Variants in TLL2 observed in about 807,000 individuals in gnomAD.
TLL2 encodes the protein tolloid like 2, also known as tolloid-like protein 2.
TLL2 carries 106 observed loss-of-function variants against 123.0 expected under a neutral mutation model. The ratio of observed to expected loss-of-function variants is 0.86; its 90% CI spans 0.74 to 1.01. The LOEUF (loss-of-function observed/expected upper bound fraction) is 1.01. Ranked by LOEUF, TLL2 falls within the 50% of genes least tolerant of loss-of-function variation. The probability of loss-of-function intolerance (pLI) is 0.00; values close to 1 mark genes in which losing one functional copy is unlikely to be tolerated. For missense variants in TLL2, 1,332 were observed against 1,336.7 expected, an observed-to-expected ratio of 1.00 and a Z score of 0.06; for synonymous variants, 494 against 516.8, an observed-to-expected ratio of 0.96 and a Z score of 0.60.
intron 20 of TLL2, among the ~76,000 whole-genome samples, chr10:96,369,220 A>G (rs1175135372): frequency 6.6e-6 from 1 of 152,134 alleles, no homozygotes; most frequent in East Asian, 1.9e-4. Context: ...CAATGCGCAA[A>G]CTCCCACCAA....
chr10:96,458,003 C>T (rs745959603), intron 2 of TLL2, among the ~76,000 whole-genome samples: 1 of 152,112 alleles, frequency 6.6e-6, no homozygotes, highest in Non-Finnish European at 1.5e-5. Flanking sequence ...GATGTCTCCC[C>T]AGCTCTGGGA....
At chr10:96,410,534 T>G in intron 8 of TLL2, 60 bp from the exon 9 acceptor site, 1 of 1,376,520 alleles carries the variant, frequency 7.3e-7, no homozygotes, top group Non-Finnish European at 1.0e-6. Flanking sequence ...CCCAAGCAGC[T>G]CCCGCACGGG....
rs1266381559 is a variant in TLL2 at position 96,405,231 on chromosome 10, C to A, written c.1267+1G>T. On this transcript the variant is annotated splice_donor_variant, in intron 10 of 20. Transcript: ENST00000357947. LOFTEE classifies it high-confidence loss of function. ...CTTAACGGTGTCTAAAGTCAACTTA[C>A]CCAAAAGGGGGGCTTTTCTCCAGTA... The A allele has an allele frequency of 1.9e-6, 3 of 1,614,018 alleles. No homozygotes were observed. Among genetic ancestry groups the A allele is most frequent in the South Asian group, 2.2e-5 (2 of 91,060 alleles).
chr10:96,416,520 G>C (rs6584072), intron 7 of TLL2, among the ~76,000 whole-genome samples: 149,891 of 152,358 alleles, frequency 0.98, 73,790 homozygotes, highest in Middle Eastern at 1. Context: ...GGGCACAGAG[G>C]TAGTCATGGA....
At chr10:96,427,193 T>C (rs1038932135) in intron 5 of TLL2, among the ~76,000 whole-genome samples, 6 of 152,212 alleles carry the variant, frequency 3.9e-5, no homozygotes, top group Non-Finnish European at 7.3e-5. Flanking sequence ...TTATGTCCAG[T>C]TTCACTGCTT....
intron 1 of TLL2, among the ~76,000 whole-genome samples, chr10:96,503,586 C>T (rs546176881): frequency 2.4e-4 from 37 of 152,304 alleles, no homozygotes; most frequent in African/African-American, 7.7e-4. Context: ...GATTGGCCAT[C>T]GAAGTCTTCT....
rs138355580 is a variant in TLL2 at position 96,376,483 on chromosome 10, G to A, written c.2448+209C>T. Among the ~76,000 whole-genome samples, 283 of 152,376 alleles carry A rather than the reference G, an allele frequency of 1.9e-3. 4 individuals are homozygous for A. Among genetic ancestry groups the A allele is most frequent in the Admixed American group, 0.015 (233 of 15,310 alleles). On this transcript the variant is annotated intron_variant, in intron 18 of 20. Transcript: ENST00000357947. Reference sequence around the variant, plus strand: ...ACTGTGCCCAGGTGTGACCTATAGAGCTTTTGTGCGTTGTCTCTTTTAATC... The same window carrying A: ...ACTGTGCCCAGGTGTGACCTATAGAACTTTTGTGCGTTGTCTCTTTTAATC...
chr10:96,416,542 G>T (rs1386813747), intron 7 of TLL2, among the ~76,000 whole-genome samples: 1 of 152,234 alleles, frequency 6.6e-6, no homozygotes, highest in Non-Finnish European at 1.5e-5. Context: ...AGGCAGGCCA[G>T]GAGCTCACCT....
At chr10:96,510,839 T>C (rs1469842930) in intron 1 of TLL2, among the ~76,000 whole-genome samples, 2 of 152,192 alleles carry the variant, frequency 1.3e-5, no homozygotes, top group African/African-American at 4.8e-5. Context: ...CACACTGAAG[T>C]GCTTGCAAGG....
intron 1 of TLL2, among the ~76,000 whole-genome samples, chr10:96,494,216 A>G (rs1257317638): frequency 6.6e-6 from 1 of 151,914 alleles, no homozygotes; most frequent in Non-Finnish European, 1.5e-5. Context: ...TGGTGGGGGG[A>G]TTTTAGGGGT....
chr10:96,373,330 G>C, intron 19 of TLL2: 1 of 361,004 alleles, frequency 2.8e-6, no homozygotes, highest in South Asian at 2.6e-5. Flanking sequence ...TAGTAGAGAC[G>C]GGGTTTCACC....
chr10:96,428,180 T>C (rs1224770704), intron 5 of TLL2, among the ~76,000 whole-genome samples: 2 of 152,228 alleles, frequency 1.3e-5, no homozygotes, highest in African/African-American at 4.8e-5. Context: ...ATAACTTTAG[T>C]CATAAGCCAG....
chr10:96,507,877 CA>C (rs1847592118), intron 1 of TLL2, among the ~76,000 whole-genome samples: 1 of 152,090 alleles, frequency 6.6e-6, no homozygotes, highest in African/African-American at 2.4e-5. Flanking sequence ...TCTGGAGAAA[CA>C]AAAAAGACAA....
intron 2 of TLL2, among the ~76,000 whole-genome samples, chr10:96,468,629 T>C (rs1196196516): frequency 2.0e-5 from 3 of 152,204 alleles, no homozygotes; most frequent in Admixed American, 6.5e-5. Flanking sequence ...TAAACTCTTG[T>C]TTGTCCCAAT....
chr10:96,433,913 T>G (rs897810824), intron 3 of TLL2, among the ~76,000 whole-genome samples: 7 of 152,076 alleles, frequency 4.6e-5, no homozygotes, highest in African/African-American at 1.7e-4. Flanking sequence ...GTAGTTGGTA[T>G]AACAGGCGGA....
Position 96,506,017 on chromosome 10 carries a change from G to T in TLL2, c.175+7494C>A, listed in dbSNP as rs146346263. Among the ~76,000 whole-genome samples the T allele has an allele frequency of 9.9e-5, 15 of 152,118 alleles. No homozygotes were observed. The East Asian group carries it at 2.9e-3, about 29-fold the overall frequency. ...GCCTGTAATCCTAACACTTTGGGAGGCTGAGGCGGGTGGATCATGAAGTCA... is the reference window on the plus strand; with the variant it reads ...GCCTGTAATCCTAACACTTTGGGAGTCTGAGGCGGGTGGATCATGAAGTCA... On this transcript the variant is annotated intron_variant, in intron 1 of 20. Transcript: ENST00000357947.
chr10:96,483,259 A>G (rs1589433921), intron 1 of TLL2, among the ~76,000 whole-genome samples: 1 of 152,212 alleles, frequency 6.6e-6, no homozygotes, highest in East Asian at 1.9e-4. Flanking sequence ...GTGGCTAAGA[A>G]TAAGGGAAAA....
intron 1 of TLL2, among the ~76,000 whole-genome samples, chr10:96,500,508 C>A (rs879542168): frequency 2.0e-5 from 3 of 152,036 alleles, no homozygotes; most frequent in Non-Finnish European, 2.9e-5. Context: ...TTTATAAAAG[C>A]AAAACAAAAA....
chr10:96,474,269 A>G (rs1238456773), intron 2 of TLL2, among the ~76,000 whole-genome samples: 2 of 152,132 alleles, frequency 1.3e-5, no homozygotes, highest in East Asian at 3.9e-4. Flanking sequence ...TGACAAGGGA[A>G]TGGGCCCATC....
Sources: gnomAD v4.1 joint callset for allele counts (sites outside exome capture counted in the v4.1 genomes callset) on GRCh38, gnomAD v4.1.1 for gene constraint, MANE v1.5 for transcripts, NCBI Gene and HGNC (gene_info 2026-07-23, HGNC 2026-07-21) for gene names.